Variants in CSMD1 observed in about 807,000 individuals in gnomAD.
The protein encoded by CSMD1 is CUB and Sushi multiple domains 1.
Under a neutral mutation model 417.5 loss-of-function variants are expected in CSMD1, and 213 were observed. The observed-to-expected ratio is 0.51, with a 90% CI of 0.46 to 0.57. The LOEUF (loss-of-function observed/expected upper bound fraction) is 0.57, where lower values mean the gene tolerates loss of function less well. CSMD1 is among the 20% of genes least tolerant of loss of function. CSMD1 has a pLI of 0.00. For synonymous variants in CSMD1, 2,862 were observed against 1,736.8 expected (o/e 1.65, Z -16.11); for missense variants, 6,923 against 4,529.7 (o/e 1.53, Z -15.17).
intron 12 of CSMD1, among the ~76,000 whole-genome samples, chr8:3,441,274 T>C (rs1013976572): frequency 6.6e-6 from 1 of 152,056 alleles, no homozygotes; most frequent in African/African-American, 2.4e-5. Context: ...GAGACTGAAT[T>C]TGTATTGTTT....
At chr8:3,574,431 A>T (rs1215479519) in intron 10 of CSMD1, among the ~76,000 whole-genome samples, 1 of 152,104 alleles carries the variant, frequency 6.6e-6, no homozygotes, top group African/African-American at 2.4e-5. Context: ...TTTTTAGTAG[A>T]GATGGGGTTT....
In CSMD1 at chr8:3,927,021, C is replaced by T. The variant is rs563056510; in HGVS notation, c.818+70882G>A. Among the ~76,000 whole-genome samples the T allele has an allele frequency of 2.0e-5, 3 of 151,840 alleles. No homozygotes were observed. The South Asian group carries it at 6.2e-4, about 32-fold the overall frequency. ...GAGCCACCGTGCCCGGCCAAATTGGCATCTTTAAAAGTACTTTTTGTGCTT... is the reference window on the plus strand; with the variant it reads ...GAGCCACCGTGCCCGGCCAAATTGGTATCTTTAAAAGTACTTTTTGTGCTT... On this transcript the variant is annotated intron_variant, in intron 5 of 69. Transcript: ENST00000635120.
intron 3 of CSMD1, among the ~76,000 whole-genome samples, chr8:4,108,071 G>T (rs12544745): frequency 1.9e-3 from 1 of 514 alleles, no homozygotes; most frequent in East Asian, 0.083. Context: ...CAGAGACAGA[G>T]ACAGAGAGAG....
chr8:3,411,994 G>GTATATACACGTA (rs1812803366), intron 12 of CSMD1, among the ~76,000 whole-genome samples: 1 of 43,072 alleles, frequency 2.3e-5, no homozygotes, highest in African/African-American at 1.0e-4. Context: ...ATATATACGT[G>GTATATACACGTA]TATATACACG....
At chr8:3,541,489 T>C (rs1798436503) in intron 10 of CSMD1, among the ~76,000 whole-genome samples, 2 of 151,616 alleles carry the variant, frequency 1.3e-5, no homozygotes, top group African/African-American at 4.8e-5. Context: ...TTTACCGAAA[T>C]AACAAATCTG....
At chr8:4,975,326 A>G (rs187627282) in intron 1 of CSMD1, among the ~76,000 whole-genome samples, 370 of 152,376 alleles carry the variant, frequency 2.4e-3, no homozygotes, top group Middle Eastern at 6.8e-3. Context: ...TATTGAGTTA[A>G]AAGCATTGGC....
At chr8:4,788,080 A>G (rs1797505448) in intron 1 of CSMD1, 1 of 1,601,152 alleles carries the variant, frequency 6.2e-7, no homozygotes, top group Non-Finnish European at 8.5e-7. Context: ...GAGAAAGTAG[A>G]GTTGCTTTTG....
At chr8:4,110,568 G>C (rs1056709249) in intron 3 of CSMD1, among the ~76,000 whole-genome samples, 2 of 152,146 alleles carry the variant, frequency 1.3e-5, no homozygotes, top group East Asian at 1.9e-4. Context: ...TTTCTGACTA[G>C]TTTAATTTTT....
intron 3 of CSMD1, among the ~76,000 whole-genome samples, chr8:4,312,478 T>C (rs115264387): frequency 0.044 from 6,301 of 142,010 alleles, 553 homozygotes; most frequent in East Asian, 0.24. Context: ...TATATATATA[T>C]ACACATATAG....
At chr8:3,920,000 T>G (rs933572643) in intron 5 of CSMD1, among the ~76,000 whole-genome samples, 4 of 152,040 alleles carry the variant, frequency 2.6e-5, no homozygotes, top group Non-Finnish European at 2.9e-5. Flanking sequence ...AAATTTTTTT[T>G]TACTTTAGGA....
chr8:4,134,682 C>T (rs79097058), intron 3 of CSMD1, among the ~76,000 whole-genome samples: 3 of 152,142 alleles, frequency 2.0e-5, no homozygotes, highest in African/African-American at 2.4e-5. Flanking sequence ...CCATCCCTAC[C>T]GCCTTTGATT....
intron 5 of CSMD1, among the ~76,000 whole-genome samples, chr8:3,850,709 AATAAAC>A (rs1468270115): frequency 6.6e-6 from 1 of 152,066 alleles, no homozygotes; most frequent in Admixed American, 6.5e-5. Flanking sequence ...AATAAATATA[AATAAAC>A]ATAAAAAAAT....
intron 41 of CSMD1, among the ~76,000 whole-genome samples, chr8:3,135,652 A>G (rs1818035446): frequency 6.9e-6 from 1 of 145,518 alleles, no homozygotes; most frequent in Non-Finnish European, 1.5e-5. Flanking sequence ...CACATTTCTG[A>G]CTCTGTGAAC....
intron 3 of CSMD1, among the ~76,000 whole-genome samples, chr8:4,158,815 A>T (rs1172538049): frequency 2.6e-5 from 4 of 152,202 alleles, no homozygotes; most frequent in African/African-American, 9.6e-5. Context: ...ATCATATGGG[A>T]TGATGTAGAA....
At chr8:3,622,204 T>C (rs750758371) in intron 7 of CSMD1, among the ~76,000 whole-genome samples, 9 of 152,224 alleles carry the variant, frequency 5.9e-5, no homozygotes, top group Non-Finnish European at 8.8e-5. Context: ...GTAATGCAGA[T>C]TGTTACTTCT....
chr8:4,912,251 T>C (rs1025283619), intron 1 of CSMD1, among the ~76,000 whole-genome samples: 4 of 152,088 alleles, frequency 2.6e-5, no homozygotes, highest in African/African-American at 9.7e-5. Context: ...ACTGAAATTA[T>C]TGGCAAGAAC....
intron 20 of CSMD1, among the ~76,000 whole-genome samples, chr8:3,364,533 C>G (rs1809423552): frequency 6.6e-6 from 1 of 152,168 alleles, no homozygotes; most frequent in Non-Finnish European, 1.5e-5. Flanking sequence ...TAGTTACATT[C>G]TGACTTTTAT....
At chr8:3,663,136 G>C (rs906407166) in intron 7 of CSMD1, among the ~76,000 whole-genome samples, 6 of 152,126 alleles carry the variant, frequency 3.9e-5, no homozygotes, top group South Asian at 2.1e-4. Flanking sequence ...CCTCAGGAGA[G>C]GCCGACAAAG....
chr8:4,201,894 G>A lies in CSMD1; in HGVS notation c.416-169795C>T, dbSNP rs1018576271. Among the ~76,000 whole-genome samples, 8 of 147,916 alleles carry A rather than the reference G, an allele frequency of 5.4e-5. 1 individual carries two copies. Among genetic ancestry groups the A allele is most frequent in the African/African-American group, 2.0e-4 (8 of 39,518 alleles). On this transcript the variant is annotated intron_variant, in intron 3 of 69. Transcript: ENST00000635120. The stretch of plus-strand genomic sequence containing the variant: ...CATTATACATGGAAATTTTGGGGGG[G>A]GGGGGCGCTGCATTCATTTGCCATG...
Sources: gnomAD v4.1 joint callset for allele counts (sites outside exome capture counted in the v4.1 genomes callset) on GRCh38, gnomAD v4.1.1 for gene constraint, MANE v1.5 for transcripts, NCBI Gene and HGNC (gene_info 2026-07-23, HGNC 2026-07-21) for gene names.